DDX39B: variants seen among roughly 807,000 people sequenced by gnomAD.
The protein encoded by DDX39B is DExD-box helicase 39B.
In DDX39B, 6 loss-of-function variants were observed where a neutral mutation model predicts 46.4. The ratio of observed to expected loss-of-function variants is 0.13; its 90% confidence interval spans 0.07 to 0.26. The LOEUF (loss-of-function observed/expected upper bound fraction) is 0.26. Among genes scored for constraint, DDX39B ranks in the 10% least tolerant of loss-of-function variants. The pLI is 1.00. For missense variants in DDX39B, 185 were observed against 553.4 expected (o/e 0.33, Z 6.68); for synonymous variants, 174 against 199.4 (o/e 0.87, Z 1.07).
Position 31,540,565 on chromosome 6 carries a change from ATC to A in DDX39B, c.-35_-34del, listed in dbSNP as rs2150345823. On this transcript the variant is annotated 5_prime_UTR_variant, in exon 2 of 11. Coordinates refer to ENST00000396172, the MANE Select transcript of DDX39B (RefSeq NM_004640.7). The stretch of plus-strand genomic sequence containing the variant: ...CCGGCAGGGGAAGAAGGGAAGGGGG[ATC>A]TGGATGGGTTCTCGCAAAATAGGTG... 1 of 1,610,500 alleles carries A rather than the reference ATC, an allele frequency of 6.2e-7. No homozygotes were observed. Among genetic ancestry groups the A allele is most frequent in the Non-Finnish European group, 8.5e-7 (1 of 1,177,858 alleles).
chr6:31,539,486 CT>C (rs746801385), intron 2 of DDX39B, among the ~76,000 whole-genome samples: 1 of 152,192 alleles, frequency 6.6e-6, no homozygotes, highest in Non-Finnish European at 1.5e-5. Flanking sequence ...CTTTAGCCTC[CT>C]CCAGATCTAG....
In DDX39B at chr6:31,540,614, G is replaced by A; in HGVS notation, c.-82C>T. The A allele has an allele frequency of 2.3e-6, 3 of 1,316,688 alleles. No homozygotes were observed. Among genetic ancestry groups the A allele is most frequent in the East Asian group, 2.3e-5 (1 of 43,162 alleles). 81.6% of individuals were successfully genotyped at this position (1,316,688 alleles called of 1,614,324 possible). ...GGTGAAAACAAGGGGTGAAGAGTAG[G>A]GGATTGAGGAACAGCAAAGGAAAAC... On this transcript the variant is annotated 5_prime_UTR_variant, in exon 2 of 11. Transcript: ENST00000396172.
In DDX39B at chr6:31,542,002, C is replaced by G. The variant is rs2239527; in HGVS notation, c.-185G>C. Reference sequence around the variant, plus strand: ...AGCAACAGCGACGAAGGAGGGAAATCTGCCTTCACTTCCGGTTGCAGGCTT... The same window carrying G: ...AGCAACAGCGACGAAGGAGGGAAATGTGCCTTCACTTCCGGTTGCAGGCTT... On this transcript the variant is annotated 5_prime_UTR_variant, in exon 1 of 11. Coordinates refer to ENST00000396172, the MANE Select transcript of DDX39B (RefSeq NM_004640.7). 228,155 of 679,910 alleles carry G rather than the reference C, an allele frequency of 0.34. 40,492 individuals carry two copies. The highest frequency in any genetic ancestry group is 0.49 in the African/African-American group (27,648 of 56,756). 42.1% of individuals were successfully genotyped at this position (679,910 alleles called of 1,614,324 possible). A position where few individuals can be genotyped will look rare whatever the true frequency, so the allele number is the denominator to read the frequency against.
intron 4 of DDX39B, among the ~76,000 whole-genome samples, chr6:31,537,941 G>A (rs374265055): frequency 9.2e-5 from 14 of 152,076 alleles, no homozygotes; most frequent in African/African-American, 2.4e-4. Context: ...GGGTTGAGGC[G>A]GGAGAATCGC....
intron 1 of DDX39B, chr6:31,541,438 C>T: frequency 2.7e-6 from 1 of 370,780 alleles, no homozygotes; most frequent in Non-Finnish European, 5.5e-6. Flanking sequence ...GGTGAGACTC[C>T]TTTTGGAGAA....
chr6:31,541,746 C>T (rs1162557620), intron 1 of DDX39B: 1 of 631,476 alleles, frequency 1.6e-6, no homozygotes, highest in Admixed American at 2.1e-5. Context: ...AGGACACCAT[C>T]TTGGATTGGG....
chr6:31,534,888 T>G lies in DDX39B; in HGVS notation c.735+479A>C. The G allele has an allele frequency of 3.7e-6, 1 of 273,934 alleles. No homozygotes were observed. Among genetic ancestry groups the G allele is most frequent in the South Asian group, 3.8e-5 (1 of 26,390 alleles). The allele number at this position is 273,934 out of a possible 1,614,324, so 17.0% of individuals were successfully genotyped here. On this transcript the variant is annotated intron_variant, in intron 6 of 10. Transcript: ENST00000396172. The surrounding 1 kb of genome is among the most constrained non-coding windows in gnomAD (Gnocchi z 5.1). Reference sequence around the variant, plus strand: ...GGGGAAGGGGAGGATTCATTTGTGCTGATGCTCTTCTTTTGGACATGCCCT... The same window carrying G: ...GGGGAAGGGGAGGATTCATTTGTGCGGATGCTCTTCTTTTGGACATGCCCT...
At position 31,530,379 on chromosome 6, in the gene DDX39B, C is replaced by T; in HGVS notation, c.*55G>A. On this transcript the variant is annotated 3_prime_UTR_variant, in exon 11 of 11. Coordinates refer to ENST00000396172, the MANE Select transcript of DDX39B (RefSeq NM_004640.7). This position sits in a 1 kb window ranked among gnomAD's most constrained non-coding sequence, Gnocchi z 4.5. The stretch of plus-strand genomic sequence containing the variant: ...GGCAGTAGTGTCTCCTTCACCCCCA[C>T]CCTGGTGTCCTCTCCTGAAGGACAG... 1.2e-6 allele frequency: 2 copies of T among 1,609,448 alleles called. No individual in the cohort carries two copies. The highest frequency in any genetic ancestry group is 1.7e-6 in the Non-Finnish European group (2 of 1,177,864).
chr6:31,530,338 G>A lies in DDX39B; in HGVS notation c.*96C>T, dbSNP rs1767012033. The A allele has an allele frequency of 1.4e-6, 2 of 1,432,262 alleles. No homozygotes were observed. The highest frequency in any genetic ancestry group is 2.8e-5 in the African/African-American group (2 of 70,722). 88.7% of individuals were successfully genotyped at this position (1,432,262 alleles called of 1,614,324 possible). ...CAAAAGATGGAAGCCATGGGGTGGG[G>A]GCTGTCAGGGGTGGGGGCAGTAGTG... On this transcript the variant is annotated 3_prime_UTR_variant, in exon 11 of 11. Coordinates refer to ENST00000396172, the MANE Select transcript of DDX39B (RefSeq NM_004640.7). The surrounding 1 kb of genome is among the most constrained non-coding windows in gnomAD (Gnocchi z 4.5).
At position 31,535,605 on chromosome 6, in the gene DDX39B, G is replaced by A; in HGVS notation, c.617-120C>T. ...AAATAGTAACAACACAATGGAAAGAGCAATGGACTTGGAATCAAGAAGTGG... is the reference window on the plus strand; with the variant it reads ...AAATAGTAACAACACAATGGAAAGAACAATGGACTTGGAATCAAGAAGTGG... On this transcript the variant is annotated intron_variant, in intron 5 of 10. Transcript: ENST00000396172. This position sits in a 1 kb window ranked among gnomAD's most constrained non-coding sequence, Gnocchi z 4.6. The A allele has an allele frequency of 1.4e-6, 1 of 737,612 alleles. No homozygotes were observed. Among genetic ancestry groups the A allele is most frequent in the Non-Finnish European group, 2.3e-6 (1 of 440,014 alleles). 45.7% of individuals were successfully genotyped at this position (737,612 alleles called of 1,614,324 possible). A position where few individuals can be genotyped will look rare whatever the true frequency, so the allele number is the denominator to read the frequency against.
rs568374580 is a variant in DDX39B at position 31,532,603 on chromosome 6, T to C, written c.867+177A>G. ...ATTGAGGACATACCCGTGCCAGCCA[T>C]AGAATAGAAAAGCAGCTCCCACCTT... is the stretch of plus-strand genomic sequence containing the variant. On this transcript the variant is annotated intron_variant, in intron 7 of 10. Transcript: ENST00000396172. 4.9e-4 allele frequency: 358 copies of C among 726,216 alleles called. 1 individual carries two copies. The highest frequency in any genetic ancestry group is 4.8e-3 in the African/African-American group (265 of 55,692). The allele number at this position is 726,216 out of a possible 1,614,324, so 45.0% of individuals were successfully genotyped here. A position where few individuals can be genotyped will look rare whatever the true frequency, so the allele number is the denominator to read the frequency against.
In DDX39B at chr6:31,540,526, C is replaced by G; in HGVS notation, c.7G>C (p.Glu3Gln). 6.2e-7 allele frequency: 1 copy of G among 1,614,018 alleles called. No individual in the cohort carries two copies. Among genetic ancestry groups the G allele is most frequent in the Non-Finnish European group, 8.5e-7 (1 of 1,179,966 alleles). ...AAGAGCTCATTGTCCACATCGTTCT[C>G]TGCCATAACTGGGCCGGCAGGGGAA... MA[E>Q]NDVDNELLDY... The change falls in exon 2 of 11, where the codon GAG becomes CAG. Residue 3 changes from glutamate (E) to glutamine (Q), a missense_variant. Around this residue, in one of 5 missense-constraint regions of DDX39B, gnomAD observed 30 missense variants for 41.6 expected, o/e 0.72. Coordinates refer to ENST00000396172, the MANE Select transcript of DDX39B (RefSeq NM_004640.7).
Position 31,535,649 on chromosome 6 carries a change from T to G in DDX39B, c.617-164A>C, listed in dbSNP as rs2516474. Reference sequence around the variant, plus strand: ...GAAGTGGGATCAGATTCCAGCTGTTTGTTTTAACCAAGCAAGAAATAAGGT... The same window carrying G: ...GAAGTGGGATCAGATTCCAGCTGTTGGTTTTAACCAAGCAAGAAATAAGGT... On this transcript the variant is annotated intron_variant, in intron 5 of 10. Transcript: ENST00000396172. The surrounding 1 kb of genome is among the most constrained non-coding windows in gnomAD (Gnocchi z 4.6). Among the ~76,000 whole-genome samples, 4,296 of 152,086 alleles carry G rather than the reference T, an allele frequency of 0.028. 66 individuals carry two copies. The highest frequency in any genetic ancestry group is 0.052 in the South Asian group (250 of 4,824).
rs761936600 is a variant in DDX39B at position 31,531,307 on chromosome 6, G to A, written c.966C>T (p.Pro322=). 1 of 1,613,984 alleles carries A rather than the reference G, an allele frequency of 6.2e-7. No individual in the cohort carries two copies. The highest frequency in any genetic ancestry group is 1.3e-5 in the African/African-American group (1 of 74,878). The change falls in exon 8 of 11, where the codon CCC becomes CCT. Residue 322 remains proline (P), a synonymous_variant. Coordinates refer to ENST00000396172, the MANE Select transcript of DDX39B (RefSeq NM_004640.7). This position sits in a 1 kb window ranked among gnomAD's most constrained non-coding sequence, Gnocchi z 5.8. The part of the protein sequence containing the change: ...FPAIAIHRGM[P]QEERLSRYQQ... The stretch of plus-strand genomic sequence containing the variant: ...CATCTTCAGCTCACCTCTCCTCCTG[G>A]GGCATCCCACGGTGGATGGCAATGG...
At position 31,530,951 on chromosome 6, in the gene DDX39B, T is replaced by C. The variant is rs1057309349; in HGVS notation, c.1123-25A>G. 1 of 1,613,794 alleles carries C rather than the reference T, an allele frequency of 6.2e-7. No homozygotes were observed. Among genetic ancestry groups the C allele is most frequent in the Non-Finnish European group, 8.5e-7 (1 of 1,179,870 alleles). Reference sequence around the variant, plus strand: ...CCTGGAGGGAGACAGAGGGTAGCACTGGAAGACCGAAGAGGAAAGAGACCC... The same window carrying C: ...CCTGGAGGGAGACAGAGGGTAGCACCGGAAGACCGAAGAGGAAAGAGACCC... On this transcript the variant is annotated intron_variant, in intron 9 of 10. Transcript: ENST00000396172. The surrounding 1 kb of genome is among the most constrained non-coding windows in gnomAD (Gnocchi z 4.5).
At chr6:31,539,846 A>C (rs1024184952) in intron 2 of DDX39B, among the ~76,000 whole-genome samples, 2 of 152,264 alleles carry the variant, frequency 1.3e-5, no homozygotes, top group Non-Finnish European at 2.9e-5. Flanking sequence ...AAAAATAAGC[A>C]GACAAGAAAA....
Position 31,540,317 on chromosome 6 carries a change from T to C in DDX39B, c.211+5A>G. On this transcript the variant is annotated splice_donor_5th_base_variant and intron_variant, in intron 2 of 10. Coordinates refer to ENST00000396172, the MANE Select transcript of DDX39B (RefSeq NM_004640.7). Reference sequence around the variant, plus strand: ...TGAGCACTACATGCCCAAGAGAAAATTTACCTTCTGACGGATGCTCAAAGC... The same window carrying C: ...TGAGCACTACATGCCCAAGAGAAAACTTACCTTCTGACGGATGCTCAAAGC... The C allele has an allele frequency of 6.2e-7, 1 of 1,614,004 alleles. No homozygotes were observed. The highest frequency in any genetic ancestry group is 8.5e-7 in the Non-Finnish European group (1 of 1,179,984).
chr6:31,532,259 G>A (rs1767252982), intron 7 of DDX39B, among the ~76,000 whole-genome samples: 1 of 152,120 alleles, frequency 6.6e-6, no homozygotes, highest in South Asian at 2.1e-4. Context: ...GACTTTTGGA[G>A]ACAAGATCTC....
Position 31,531,352 on chromosome 6 carries a change from T to C in DDX39B, c.921A>G (p.Leu307=), listed in dbSNP as rs765148370. The C allele has an allele frequency of 4.6e-5, 74 of 1,613,874 alleles. No individual in the cohort carries two copies. Among genetic ancestry groups the C allele is most frequent in the Admixed American group, 3.3e-5 (2 of 59,978 alleles). Residue 307 remains leucine (L), a synonymous_variant, in exon 8 of 11, where the codon CTA becomes CTG. Coordinates refer to ENST00000396172, the MANE Select transcript of DDX39B (RefSeq NM_004640.7). The surrounding 1 kb of genome is among the most constrained non-coding windows in gnomAD (Gnocchi z 5.8). The stretch of plus-strand genomic sequence containing the variant: ...CAATGGCTGGGAAGTTCTGCTCCAC[T>C]AGTAGCTGGGCCAAGGCAATGCACC... The part of the protein sequence containing the change: ...VQRCIALAQL[L]VEQNFPAIAI...
Sources: gnomAD v4.1 joint callset for allele counts (sites outside exome capture counted in the v4.1 genomes callset) on GRCh38, gnomAD v4.1.1 for gene constraint, gnomAD v4.1.1 regional missense constraint, Gnocchi (gnomAD v3.1) non-coding constraint, MANE v1.5 for transcripts, NCBI Gene and HGNC (gene_info 2026-07-23, HGNC 2026-07-21) for gene names.